NAALADL2: variants seen among roughly 807,000 people sequenced by gnomAD.
NAALADL2 encodes inactive N-acetylated-alpha-linked acidic dipeptidase-like protein 2.
Under a neutral mutation model 87.2 loss-of-function variants are expected in NAALADL2, and 76 were observed. The observed-to-expected ratio is 0.87, with a 90% CI of 0.72 to 1.05. NAALADL2 has a LOEUF of 1.05. Among genes scored for constraint, NAALADL2 ranks in the 50% least tolerant of loss-of-function variants. NAALADL2 has a pLI of 0.00. For missense variants in NAALADL2, 1,089 were observed against 945.8 expected, an observed-to-expected ratio of 1.15 and a Z score of -1.99; for synonymous variants, 354 against 331.0, an observed-to-expected ratio of 1.07 and a Z score of -0.75.
chr3:175,142,211 ATCTAAG>A (rs146601719), intron 2 of NAALADL2, among the ~76,000 whole-genome samples: 13 of 152,176 alleles, frequency 8.5e-5, no homozygotes, highest in Non-Finnish European at 1.5e-4. Flanking sequence ...TCATTTGTGC[ATCTAAG>A]TCTGAGAACT....
intron 1 of NAALADL2, among the ~76,000 whole-genome samples, chr3:174,546,349 T>C (rs1357514697): frequency 6.6e-6 from 1 of 152,182 alleles, no homozygotes; most frequent in Non-Finnish European, 1.5e-5. Context: ...CTAGGACATG[T>C]ACCTCTGCTC....
At chr3:174,507,673 T>C (rs1719285958) in intron 1 of NAALADL2, among the ~76,000 whole-genome samples, 1 of 149,262 alleles carries the variant, frequency 6.7e-6, no homozygotes, top group African/African-American at 2.4e-5. Flanking sequence ...CTTTTATGTC[T>C]GGCTTTTTTC....
At chr3:175,333,009 T>A (rs757797859) in intron 5 of NAALADL2, among the ~76,000 whole-genome samples, 1 of 152,222 alleles carries the variant, frequency 6.6e-6, no homozygotes, top group Non-Finnish European at 1.5e-5. Context: ...TCTATATGTG[T>A]CTTTACATGT....
intron 1 of NAALADL2, among the ~76,000 whole-genome samples, chr3:174,996,286 A>C (rs1747442656): frequency 6.6e-6 from 1 of 151,990 alleles, no homozygotes; most frequent in South Asian, 2.1e-4. Context: ...TCACGAGGTC[A>C]GGAGATCGAG....
chr3:175,697,607 G>T (rs4280646), intron 11 of NAALADL2, among the ~76,000 whole-genome samples: 43,196 of 151,054 alleles, frequency 0.29, 7,284 homozygotes, highest in African/African-American at 0.48. Context: ...AAAGTAAGAT[G>T]TGATGCCAAA....
chr3:174,605,841 A>G (rs1468482719), intron 2 of NAALADL2, among the ~76,000 whole-genome samples: 1 of 152,118 alleles, frequency 6.6e-6, no homozygotes, highest in Non-Finnish European at 1.5e-5. Flanking sequence ...GCAGCTGGAG[A>G]TCTGAGAACG....
At chr3:175,506,138 T>A (rs557187072) in intron 9 of NAALADL2, among the ~76,000 whole-genome samples, 1 of 152,290 alleles carries the variant, frequency 6.6e-6, no homozygotes, top group South Asian at 2.1e-4. Flanking sequence ...TTAACACAGG[T>A]ATTTCATTGC....
At chr3:174,966,703 A>T (rs187411955) in intron 1 of NAALADL2, among the ~76,000 whole-genome samples, 1 of 152,188 alleles carries the variant, frequency 6.6e-6, no homozygotes, top group African/African-American at 2.4e-5. Flanking sequence ...CCCAAGTAAC[A>T]TACATTTGTA....
intron 1 of NAALADL2, among the ~76,000 whole-genome samples, chr3:175,065,846 G>T (rs1714437187): frequency 6.6e-6 from 1 of 152,186 alleles, no homozygotes. Context: ...TGAATTGAAA[G>T]CTGATTCTGA....
chr3:174,674,519 T>TC (rs1319582833), intron 2 of NAALADL2, among the ~76,000 whole-genome samples: 1 of 152,004 alleles, frequency 6.6e-6, no homozygotes, highest in East Asian at 1.9e-4. Flanking sequence ...CTTTTTTTTT[T>TC]CCACCTATCT....
chr3:175,038,021 T>C lies in NAALADL2; in HGVS notation c.44-58769T>C, dbSNP rs138994276. Among the ~76,000 whole-genome samples, 423 of 152,238 alleles carry C rather than the reference T, an allele frequency of 2.8e-3. 1 individual carries two copies. The highest frequency in any genetic ancestry group is 9.4e-3 in the African/African-American group (392 of 41,552). Reference sequence around the variant, plus strand: ...TTGTTACCTAGTGATTATCAGAAATTGTAGATTCTTACAAGAGAGGAAGAG... The same window carrying C: ...TTGTTACCTAGTGATTATCAGAAATCGTAGATTCTTACAAGAGAGGAAGAG... On this transcript the variant is annotated intron_variant, in intron 1 of 13. Coordinates refer to ENST00000454872, the MANE Select transcript of NAALADL2 (RefSeq NM_207015.3).
chr3:174,684,840 A>G (rs1243317646), intron 2 of NAALADL2, among the ~76,000 whole-genome samples: 1 of 152,130 alleles, frequency 6.6e-6, no homozygotes, highest in African/African-American at 2.4e-5. Flanking sequence ...GCTATATTAT[A>G]TTTAACAACA....
chr3:174,960,914 A>G (rs890474154), intron 1 of NAALADL2, among the ~76,000 whole-genome samples: 17 of 151,690 alleles, frequency 1.1e-4, no homozygotes, highest in African/African-American at 4.1e-4. Flanking sequence ...GTGCCTGCAT[A>G]TAGTTCCAGC....
chr3:175,649,805 T>A (rs952005331), intron 11 of NAALADL2, among the ~76,000 whole-genome samples: 2 of 152,154 alleles, frequency 1.3e-5, no homozygotes, highest in Admixed American at 6.6e-5. Context: ...TTTCAACATA[T>A]GAATTTTAGA....
chr3:175,314,688 A>T (rs1274471332), intron 4 of NAALADL2, among the ~76,000 whole-genome samples: 1 of 39,620 alleles, frequency 2.5e-5, no homozygotes, highest in African/African-American at 1.5e-4. Flanking sequence ...ATATATATAT[A>T]TATATATATA....
At chr3:175,133,421 G>T (rs1728540927) in intron 2 of NAALADL2, among the ~76,000 whole-genome samples, 1 of 152,336 alleles carries the variant, frequency 6.6e-6, no homozygotes, top group African/African-American at 2.4e-5. Flanking sequence ...CTGCACTCCA[G>T]CCTGGGCACC....
intron 5 of NAALADL2, among the ~76,000 whole-genome samples, chr3:175,379,970 G>A (rs1767600472): frequency 6.6e-6 from 1 of 152,048 alleles, no homozygotes; most frequent in Non-Finnish European, 1.5e-5. Flanking sequence ...AACACTGCAT[G>A]TTCTCACTCA....
intron 1 of NAALADL2, among the ~76,000 whole-genome samples, chr3:174,926,511 T>C (rs1360683379): frequency 2.0e-5 from 3 of 152,218 alleles, no homozygotes; most frequent in Non-Finnish European, 2.9e-5. Context: ...GATCTCTCGG[T>C]AGAAACTCTA....
intron 3 of NAALADL2, among the ~76,000 whole-genome samples, chr3:174,837,072 G>A (rs1215232990): frequency 6.6e-6 from 1 of 151,840 alleles, no homozygotes; most frequent in Non-Finnish European, 1.5e-5. Flanking sequence ...ACAATCTAAG[G>A]TCACACTTAA....
Sources: gnomAD v4.1 joint callset for allele counts (sites outside exome capture counted in the v4.1 genomes callset) on GRCh38, gnomAD v4.1.1 for gene constraint, MANE v1.5 for transcripts, NCBI Gene and HGNC (gene_info 2026-07-23, HGNC 2026-07-21) for gene names.